The following TRPC7 variants were observed in gnomAD, a reference collection of about 807,000 sequenced individuals.
TRPC7 encodes short transient receptor potential channel 7.
A neutral mutation model predicts 90.1 loss-of-function variants in TRPC7; 42 were observed. The observed-to-expected ratio is 0.47, with a 90% CI of 0.36 to 0.60. The LOEUF (loss-of-function observed/expected upper bound fraction) is 0.60, where lower values mean the gene tolerates loss of function less well. Ranked by LOEUF, TRPC7 falls within the 20% of genes least tolerant of loss-of-function variation. The pLI is 0.00. For synonymous variants in TRPC7, 451 were observed against 436.3 expected (o/e 1.03, Z -0.42); for missense variants, 955 against 1,112.3 (o/e 0.86, Z 2.01).
At chr5:136,350,967 G>T (rs530947577) in intron 2 of TRPC7, among the ~76,000 whole-genome samples, 35 of 152,314 alleles carry the variant, frequency 2.3e-4, no homozygotes, top group Non-Finnish European at 4.4e-4. Context: ...AAATCTGAGG[G>T]TGCTCAAGTC....
intron 10 of TRPC7, among the ~76,000 whole-genome samples, chr5:136,219,658 T>C (rs1161245704): frequency 6.6e-6 from 1 of 152,190 alleles, no homozygotes; most frequent in Non-Finnish European, 1.5e-5. Flanking sequence ...CCCAGCTACC[T>C]GGCAGGTTGA....
At chr5:136,228,773 A>C (rs986316910) in intron 8 of TRPC7, among the ~76,000 whole-genome samples, 11 of 152,240 alleles carry the variant, frequency 7.2e-5, no homozygotes, top group African/African-American at 2.4e-4. Flanking sequence ...ACATGTGATC[A>C]TGAACGCCTG....
intron 2 of TRPC7, among the ~76,000 whole-genome samples, chr5:136,324,332 T>C (rs1322256981): frequency 6.6e-6 from 1 of 152,180 alleles, no homozygotes; most frequent in Non-Finnish European, 1.5e-5. Flanking sequence ...CTTTGAAGAT[T>C]GATAAGTTTT....
At chr5:136,360,520 C>T (rs1760537729) in intron 1 of TRPC7, among the ~76,000 whole-genome samples, 1 of 152,124 alleles carries the variant, frequency 6.6e-6, no homozygotes, top group African/African-American at 2.4e-5. Flanking sequence ...GTTAAAATGT[C>T]CTCACCATTT....
At chr5:136,249,764 T>A (rs1269200496) in intron 6 of TRPC7, among the ~76,000 whole-genome samples, 2 of 152,188 alleles carry the variant, frequency 1.3e-5, no homozygotes, top group East Asian at 3.8e-4. Flanking sequence ...TAGAGCTATT[T>A]CCAAGAGAAA....
At chr5:136,302,099 T>C (rs1223620623) in intron 3 of TRPC7, among the ~76,000 whole-genome samples, 2 of 152,244 alleles carry the variant, frequency 1.3e-5, no homozygotes, top group Non-Finnish European at 2.9e-5. Context: ...ATTCCTTTCA[T>C]TTTCTGGTAG....
chr5:136,223,000 C>A (rs373315382), intron 10 of TRPC7, among the ~76,000 whole-genome samples: 1 of 152,214 alleles, frequency 6.6e-6, no homozygotes, highest in African/African-American at 2.4e-5. Context: ...TGACTCAGGA[C>A]GATGCCACAC....
At chr5:136,298,027 T>A (rs142131821) in intron 3 of TRPC7, among the ~76,000 whole-genome samples, 1 of 152,350 alleles carries the variant, frequency 6.6e-6, no homozygotes, top group African/African-American at 2.4e-5. Context: ...TCTACTTGCC[T>A]GGGTATGCTC....
chr5:136,280,037 G>A (rs142717083), intron 3 of TRPC7, among the ~76,000 whole-genome samples: 27 of 152,258 alleles, frequency 1.8e-4, no homozygotes, highest in Non-Finnish European at 2.8e-4. Flanking sequence ...GCTGGTGCCT[G>A]TAATCCCAGC....
At chr5:136,362,669 T>G (rs1258418862) in intron 1 of TRPC7, among the ~76,000 whole-genome samples, 1 of 152,192 alleles carries the variant, frequency 6.6e-6, no homozygotes, top group Non-Finnish European at 1.5e-5. Flanking sequence ...GACTCACTAT[T>G]AAGGATCTAG....
At chr5:136,217,326 A>C (rs1293982706) in intron 10 of TRPC7, among the ~76,000 whole-genome samples, 1 of 152,234 alleles carries the variant, frequency 6.6e-6, no homozygotes, top group Non-Finnish European at 1.5e-5. Context: ...GCAAATAAAA[A>C]GTAAGTGAAC....
intron 2 of TRPC7, among the ~76,000 whole-genome samples, chr5:136,341,849 G>T (rs1759856725): frequency 6.6e-6 from 1 of 152,138 alleles, no homozygotes; most frequent in Non-Finnish European, 1.5e-5. Flanking sequence ...TATTAGCACA[G>T]TTCGGTTCCT....
At chr5:136,290,357 A>T (rs1330725504) in intron 3 of TRPC7, among the ~76,000 whole-genome samples, 1 of 152,310 alleles carries the variant, frequency 6.6e-6, no homozygotes, top group East Asian at 1.9e-4. Flanking sequence ...CTAAAGGAGG[A>T]AGTTCGAACC....
intron 2 of TRPC7, among the ~76,000 whole-genome samples, chr5:136,324,308 G>A (rs932925327): frequency 1.3e-5 from 2 of 152,128 alleles, no homozygotes; most frequent in African/African-American, 2.4e-5. Flanking sequence ...GCTCAGAAAT[G>A]TGCATTTACA....
At chr5:136,294,060 A>T (rs1272069341) in intron 3 of TRPC7, among the ~76,000 whole-genome samples, 1 of 152,220 alleles carries the variant, frequency 6.6e-6, no homozygotes, top group East Asian at 1.9e-4. Flanking sequence ...CTATTTAATA[A>T]ATGGTGCTGG....
At chr5:136,267,817 A>G (rs1757083251) in intron 4 of TRPC7, among the ~76,000 whole-genome samples, 1 of 152,250 alleles carries the variant, frequency 6.6e-6, no homozygotes, top group Admixed American at 6.5e-5. Context: ...GTTAGAATTC[A>G]TCTGCATATT....
At chr5:136,219,362 G>A (rs1755377230) in intron 10 of TRPC7, among the ~76,000 whole-genome samples, 1 of 152,244 alleles carries the variant, frequency 6.6e-6, no homozygotes, top group African/African-American at 2.4e-5. Flanking sequence ...AATCAGATGA[G>A]CACTGCAGAT....
intron 10 of TRPC7, 84 bp downstream of exon 10, chr5:136,225,190 G>T: frequency 3.3e-6 from 4 of 1,212,024 alleles, no homozygotes; most frequent in Non-Finnish European, 4.7e-6. Context: ...GTTCTCGGGG[G>T]ATGACACAGT....
At chr5:136,278,450 G>T (rs1319467662) in intron 3 of TRPC7, among the ~76,000 whole-genome samples, 1 of 152,224 alleles carries the variant, frequency 6.6e-6, no homozygotes, top group Non-Finnish European at 1.5e-5. Flanking sequence ...TCTGGAAGAG[G>T]CCTGTGGGTA....
Sources: gnomAD v4.1 joint callset for allele counts (sites outside exome capture counted in the v4.1 genomes callset) on GRCh38, gnomAD v4.1.1 for gene constraint, MANE v1.5 for transcripts, NCBI Gene and HGNC (gene_info 2026-07-23, HGNC 2026-07-21) for gene names.